Variants in SPSB4 observed in about 807,000 individuals in gnomAD.
The protein encoded by SPSB4 is splA/ryanodine receptor domain and SOCS box containing 4.
A neutral mutation model predicts 20.9 loss-of-function variants in SPSB4; 21 were observed. That is an observed-to-expected ratio of 1.01 (90% CI 0.71 to 1.45). The LOEUF is 1.45. Among genes scored for constraint, SPSB4 ranks in the 40% most tolerant of loss-of-function variants. The pLI is 0.00. For synonymous variants in SPSB4, 207 were observed against 183.8 expected (o/e 1.13, Z -1.02); for missense variants, 399 against 399.2 (o/e 1.00, Z 0.00).
chr3:141,123,489 TA>T (rs1255393046), intron 2 of SPSB4, among the ~76,000 whole-genome samples: 1 of 152,262 alleles, frequency 6.6e-6, no homozygotes, highest in African/African-American at 2.4e-5. Context: ...CCTATGCCAG[TA>T]CCACTCAATG....
intron 2 of SPSB4, among the ~76,000 whole-genome samples, chr3:141,075,892 C>CAAAAAA (rs532646509): frequency 1.3e-4 from 9 of 68,848 alleles, no homozygotes; most frequent in South Asian, 8.2e-4. Context: ...ACTAAAAATA[C>CAAAAAA]AAAAAAAAAA....
intron 1 of SPSB4, among the ~76,000 whole-genome samples, chr3:141,056,824 G>A (rs975311856): frequency 1.5e-4 from 23 of 152,232 alleles, no homozygotes; most frequent in African/African-American, 5.3e-4. Context: ...CAGCTGTGGT[G>A]ACCGGGCTGG....
chr3:141,060,993 T>C (rs1937749448), intron 1 of SPSB4, among the ~76,000 whole-genome samples: 1 of 152,236 alleles, frequency 6.6e-6, no homozygotes, highest in Non-Finnish European at 1.5e-5. Flanking sequence ...GTGTTGCAAA[T>C]TTTTTCTTAT....
intron 2 of SPSB4, among the ~76,000 whole-genome samples, chr3:141,079,366 G>A (rs1375202000): frequency 6.6e-6 from 1 of 151,962 alleles, no homozygotes; most frequent in Non-Finnish European, 1.5e-5. Flanking sequence ...GTATAGACAA[G>A]CTTCTTACTG....
intron 2 of SPSB4, among the ~76,000 whole-genome samples, chr3:141,115,584 T>C (rs940052404): frequency 2.0e-5 from 3 of 152,252 alleles, no homozygotes; most frequent in Non-Finnish European, 4.4e-5. Flanking sequence ...AATGTATTTG[T>C]GGTACTTGAG....
chr3:141,108,684 A>G (rs1209320593), intron 2 of SPSB4, among the ~76,000 whole-genome samples: 2 of 152,244 alleles, frequency 1.3e-5, no homozygotes. Context: ...GTTCAGTGAG[A>G]TGAGCATTAA....
intron 2 of SPSB4, among the ~76,000 whole-genome samples, chr3:141,109,790 G>C (rs1938763149): frequency 6.6e-6 from 1 of 152,128 alleles, no homozygotes; most frequent in Non-Finnish European, 1.5e-5. Context: ...CGGCCTTCCA[G>C]GTATTTTATT....
At chr3:141,125,619 A>T (rs1340332435) in intron 2 of SPSB4, among the ~76,000 whole-genome samples, 2 of 152,120 alleles carry the variant, frequency 1.3e-5, no homozygotes, top group South Asian at 4.1e-4. Context: ...TAAGCAGTGA[A>T]TGGATTTCAG....
chr3:141,054,169 C>G (rs1007257679), intron 1 of SPSB4, among the ~76,000 whole-genome samples: 2 of 152,194 alleles, frequency 1.3e-5, no homozygotes, highest in Admixed American at 6.5e-5. Flanking sequence ...ACTCACCATA[C>G]AGGAGTTACT....
chr3:141,066,557 C>T lies in SPSB4; in HGVS notation c.453C>T (p.His151=), dbSNP rs377528090. The T allele has an allele frequency of 1.9e-4, 289 of 1,532,432 alleles. 2 individuals carry two copies. The African/African-American group carries it at 2.8e-3, about 15-fold the overall frequency. The allele number at this position is 1,532,432 out of a possible 1,614,324, so 94.9% of individuals were successfully genotyped here. A position where few individuals can be genotyped will look rare whatever the true frequency, so the allele number is the denominator to read the frequency against. Residue 151 remains histidine (H), a synonymous_variant, in exon 2 of 3, where the codon CAC becomes CAT. Transcript: ENST00000310546. ...GWDLGRSRLY[H]DGKNQPGVAY... is the part of the protein sequence containing the mutation. ...ACCTGGGCCGCAGCCGCCTCTACCA[C>T]GACGGCAAGAACCAGCCCGGCGTGG...
rs1434737137 is a variant in SPSB4 at position 141,066,547 on chromosome 3, G to A, written c.443G>A (p.Arg148His). The A allele has an allele frequency of 6.6e-7, 1 of 1,522,376 alleles. No homozygotes were observed. The highest frequency in any genetic ancestry group is 2.4e-5 in the East Asian group (1 of 42,270). The allele number at this position is 1,522,376 out of a possible 1,614,324, so 94.3% of individuals were successfully genotyped here. ...TGGGGCTGGGACCTGGGCCGCAGCCGCCTCTACCACGACGGCAAGAACCAG... is the reference window on the plus strand; with the variant it reads ...TGGGGCTGGGACCTGGGCCGCAGCCACCTCTACCACGACGGCAAGAACCAG... ...ESWGWDLGRS[R>H]LYHDGKNQPG... Residue 148 changes from arginine to histidine, a missense_variant, in exon 2 of 3, where the codon CGC becomes CAC. Coordinates refer to ENST00000310546, the MANE Select transcript of SPSB4 (RefSeq NM_080862.3).
chr3:141,075,686 G>T (rs1433291813), intron 2 of SPSB4, among the ~76,000 whole-genome samples: 3 of 151,996 alleles, frequency 2.0e-5, no homozygotes, highest in African/African-American at 7.3e-5. Context: ...CCCAATCACA[G>T]CTTATCCCCA....
At chr3:141,067,661 G>A (rs769765175) in intron 2 of SPSB4, among the ~76,000 whole-genome samples, 2 of 152,140 alleles carry the variant, frequency 1.3e-5, no homozygotes, top group Non-Finnish European at 1.5e-5. Context: ...GTTTTGGGAG[G>A]GAGTCACTCA....
At chr3:141,069,766 G>T (rs1937961424) in intron 2 of SPSB4, among the ~76,000 whole-genome samples, 2 of 152,188 alleles carry the variant, frequency 1.3e-5, no homozygotes, top group Non-Finnish European at 1.5e-5. Flanking sequence ...AGCAATTGGT[G>T]CCCCTGTGTT....
chr3:141,073,999 A>T (rs1252080298), intron 2 of SPSB4, among the ~76,000 whole-genome samples: 1 of 152,220 alleles, frequency 6.6e-6, no homozygotes, highest in East Asian at 1.9e-4. Context: ...GGAGGTTTTC[A>T]TATTAACATA....
At chr3:141,141,641 C>T (rs371595387) in intron 2 of SPSB4, among the ~76,000 whole-genome samples, 1 of 152,308 alleles carries the variant, frequency 6.6e-6, no homozygotes, top group African/African-American at 2.4e-5. Flanking sequence ...TCTTTGAATA[C>T]CTGATAGAAT....
chr3:141,051,523 G>T lies in SPSB4; in HGVS notation c.-623G>T, dbSNP rs1936087624. ...GAGGGCGATGAACACACCACATCCC[G>T]GGCCCGGGCCCCAGCTGCTGCTACC... On this transcript the variant is annotated 5_prime_UTR_variant, in exon 1 of 3. Coordinates refer to ENST00000310546, the MANE Select transcript of SPSB4 (RefSeq NM_080862.3). The T allele has an allele frequency of 6.6e-6, 1 of 152,504 alleles. No individual in the cohort carries two copies. The highest frequency in any genetic ancestry group is 1.8e-4 in the South Asian group (1 of 5,638). The allele number at this position is 152,504 out of a possible 1,614,324, so 9.4% of individuals were successfully genotyped here.
intron 2 of SPSB4, among the ~76,000 whole-genome samples, chr3:141,130,570 C>T (rs1172344660): frequency 1.3e-5 from 2 of 152,210 alleles, no homozygotes; most frequent in East Asian, 1.9e-4. Flanking sequence ...AAGAGAATTT[C>T]ACCTCTTGAC....
intron 2 of SPSB4, among the ~76,000 whole-genome samples, chr3:141,068,251 C>T (rs971269273): frequency 1.3e-5 from 2 of 152,168 alleles, no homozygotes; most frequent in African/African-American, 4.8e-5. Context: ...TGGTTGTTGC[C>T]TACAATTGCC....
Sources: gnomAD v4.1 joint callset for allele counts (sites outside exome capture counted in the v4.1 genomes callset) on GRCh38, gnomAD v4.1.1 for gene constraint, MANE v1.5 for transcripts, NCBI Gene and HGNC (gene_info 2026-07-23, HGNC 2026-07-21) for gene names.